Variants in HS3ST1 observed in about 807,000 individuals in gnomAD.
The protein encoded by HS3ST1 is heparan sulfate glucosamine 3-O-sulfotransferase 1.
In HS3ST1, 8 loss-of-function variants were observed where a neutral mutation model predicts 20.7. That is an observed-to-expected ratio of 0.39 (90% confidence interval 0.23 to 0.70). The LOEUF is 0.70. HS3ST1 is among the 30% of genes least tolerant of loss of function. HS3ST1 has a pLI of 0.46. For missense variants in HS3ST1, 436 were observed against 423.4 expected (o/e 1.03, Z -0.26); for synonymous variants, 205 against 190.4 (o/e 1.08, Z -0.63).
Position 11,397,934 on chromosome 4 carries a change from G to C in HS3ST1, c.*1148C>G, listed in dbSNP as rs933488064. 2 of 152,200 alleles carry C rather than the reference G, an allele frequency of 1.3e-5. No individual in the cohort carries two copies. The highest frequency in any genetic ancestry group is 4.8e-5 in the African/African-American group (2 of 41,444). The allele number at this position is 152,200 out of a possible 1,614,324, so 9.4% of individuals were successfully genotyped here. ...AAAACTGAGGATAAGAAGGGTTTAT[G>C]TGACCATCTCCAACAAGCTGGCTGC... On this transcript the variant is annotated 3_prime_UTR_variant, in exon 2 of 2. Coordinates refer to ENST00000002596, the MANE Select transcript of HS3ST1 (RefSeq NM_005114.4).
chr4:11,433,695 C>G (rs1423608316), upstream of HS3ST1, among the ~76,000 whole-genome samples: 1 of 152,166 alleles, frequency 6.6e-6, no homozygotes, highest in African/African-American at 2.4e-5. Context: ...AGTTTTCCTC[C>G]TGGCAGGCCT....
intron 1 of HS3ST1, among the ~76,000 whole-genome samples, chr4:11,426,404 T>G (rs141340416): frequency 6.8e-6 from 1 of 147,002 alleles, no homozygotes; most frequent in African/African-American, 2.6e-5. Context: ...AGTAAAATAA[T>G]TTCTTATTTT....
At chr4:11,417,415 A>G (rs192501698) in intron 1 of HS3ST1, among the ~76,000 whole-genome samples, 41 of 152,278 alleles carry the variant, frequency 2.7e-4, no homozygotes, top group Admixed American at 1.4e-3. Flanking sequence ...TCCTCTTACA[A>G]TTTCATCTAT....
chr4:11,410,663 G>T (rs1465081074), intron 1 of HS3ST1, among the ~76,000 whole-genome samples: 2 of 152,124 alleles, frequency 1.3e-5, no homozygotes, highest in Admixed American at 1.3e-4. Context: ...GGAGGCCAAG[G>T]CGGGTAGAAC....
At chr4:11,412,592 A>G (rs1718666462) in intron 1 of HS3ST1, among the ~76,000 whole-genome samples, 1 of 152,190 alleles carries the variant, frequency 6.6e-6, no homozygotes. Context: ...GGGAGGGGGA[A>G]GAATACAGCC....
intron 1 of HS3ST1, among the ~76,000 whole-genome samples, chr4:11,409,510 C>G (rs750226315): frequency 7.2e-5 from 11 of 152,216 alleles, no homozygotes; most frequent in Non-Finnish European, 1.6e-4. Context: ...CTGTCTCTCT[C>G]TCTCATTCTC....
chr4:11,402,815 C>G (rs1718360277), intron 1 of HS3ST1, among the ~76,000 whole-genome samples: 1 of 152,184 alleles, frequency 6.6e-6, no homozygotes, highest in Non-Finnish European at 1.5e-5. Context: ...CCTGAGGCAT[C>G]CTGGTTAGTG....
intron 1 of HS3ST1, among the ~76,000 whole-genome samples, chr4:11,420,565 A>G (rs755517506): frequency 1.3e-5 from 2 of 152,204 alleles, no homozygotes; most frequent in Non-Finnish European, 2.9e-5. Flanking sequence ...GTTAGTATTT[A>G]ATAAGGTTCT....
intron 1 of HS3ST1, among the ~76,000 whole-genome samples, chr4:11,415,460 C>A (rs1718750464): frequency 6.6e-6 from 1 of 152,172 alleles, no homozygotes; most frequent in South Asian, 2.1e-4. Context: ...AGTATTCACT[C>A]AATCAATAAT....
upstream of HS3ST1, among the ~76,000 whole-genome samples, chr4:11,433,519 C>G (rs1049227136): frequency 3.9e-5 from 6 of 152,182 alleles, no homozygotes; most frequent in African/African-American, 1.4e-4. Context: ...CTGGCCCCTG[C>G]TGAGTGCTGG....
chr4:11,424,097 C>G (rs1337930840), intron 1 of HS3ST1, among the ~76,000 whole-genome samples: 5 of 151,338 alleles, frequency 3.3e-5, no homozygotes, highest in Non-Finnish European at 7.4e-5. Context: ...GAAGTCCCGC[C>G]TGCAGCCCCT....
chr4:11,421,173 A>G (rs1718922918), intron 1 of HS3ST1, among the ~76,000 whole-genome samples: 1 of 152,142 alleles, frequency 6.6e-6, no homozygotes, highest in African/African-American at 2.4e-5. Flanking sequence ...ATCTCCCTCA[A>G]TCCTCACTAG....
chr4:11,424,598 T>C (rs1352213664), intron 1 of HS3ST1, among the ~76,000 whole-genome samples: 1 of 151,892 alleles, frequency 6.6e-6, no homozygotes, highest in African/African-American at 2.4e-5. Flanking sequence ...GATTGGAAAA[T>C]GAGAAGGAAT....
rs141812522 is a variant in HS3ST1 at position 11,416,619 on chromosome 4, A to G, written c.-109+12080T>C. On this transcript the variant is annotated intron_variant, in intron 1 of 1. Coordinates refer to ENST00000002596, the MANE Select transcript of HS3ST1 (RefSeq NM_005114.4). ...GACACTGCTCATTCGAGTCTCTCAG[A>G]GAGGCAGAAAGACGGAGCAGGTACT... 3.7e-3 allele frequency among the ~76,000 whole-genome samples: 557 copies of G among 152,282 alleles called. 4 individuals are homozygous for G. The highest frequency in any genetic ancestry group is 0.013 in the African/African-American group (526 of 41,570).
intron 1 of HS3ST1, among the ~76,000 whole-genome samples, chr4:11,403,295 G>A (rs370249311): frequency 2.9e-4 from 44 of 152,158 alleles, no homozygotes; most frequent in African/African-American, 9.2e-4. Flanking sequence ...ACTTCCTCTT[G>A]TGGTTTTGTA....
intron 1 of HS3ST1, among the ~76,000 whole-genome samples, chr4:11,427,873 A>G (rs116791264): frequency 0.015 from 2,343 of 152,298 alleles, 45 homozygotes; most frequent in African/African-American, 0.054. Context: ...TTCCTGGGAC[A>G]GGCTGGGGCT....
In HS3ST1 at chr4:11,399,739, G is replaced by A. The variant is rs138074443; in HGVS notation, c.267C>T (p.Phe89=). Residue 89 remains phenylalanine, a synonymous_variant, in exon 2 of 2, where the codon TTC becomes TTT. Coordinates refer to ENST00000002596, the MANE Select transcript of HS3ST1 (RefSeq NM_005114.4). This position sits in a 1 kb window ranked among gnomAD's most constrained non-coding sequence, Gnocchi z 5.1. ...DVAAAENEVH[F]FDWEEHYSHG... ...GGCTGTAATGCTCCTCCCAGTCGAA[G>A]AAGTGGACCTCGTTCTCCGCGGCCG... is the stretch of plus-strand genomic sequence containing the variant. 1.3e-3 allele frequency: 2,072 copies of A among 1,613,916 alleles called. 2 individuals carry two copies. Among genetic ancestry groups the A allele is most frequent in the Non-Finnish European group, 1.7e-3 (2,003 of 1,180,046 alleles).
upstream of HS3ST1, among the ~76,000 whole-genome samples, chr4:11,432,676 T>G (rs1194282586): frequency 6.6e-6 from 1 of 152,230 alleles, no homozygotes; most frequent in Non-Finnish European, 1.5e-5. Flanking sequence ...AGAGCATGAT[T>G]GCACTGTGTG....
intron 1 of HS3ST1, among the ~76,000 whole-genome samples, chr4:11,426,493 G>C (rs1376295157): frequency 6.6e-6 from 1 of 152,104 alleles, no homozygotes; most frequent in Admixed American, 6.5e-5. Flanking sequence ...ATAACCACAG[G>C]AAAGTAAAGA....
Sources: gnomAD v4.1 joint callset for allele counts (sites outside exome capture counted in the v4.1 genomes callset) on GRCh38, gnomAD v4.1.1 for gene constraint, Gnocchi (gnomAD v3.1) non-coding constraint, MANE v1.5 for transcripts, NCBI Gene and HGNC (gene_info 2026-07-23, HGNC 2026-07-21) for gene names.